Variants in DENND1A observed in about 807,000 individuals in gnomAD.
The protein encoded by DENND1A is DENN domain containing 1A, also known as DENN domain-containing protein 1A.
Under a neutral mutation model 113.7 loss-of-function variants are expected in DENND1A, and 51 were observed. The observed-to-expected ratio is 0.45, with a 90% CI of 0.36 to 0.57. The LOEUF (loss-of-function observed/expected upper bound fraction) is 0.57, where lower values mean the gene tolerates loss of function less well. DENND1A is among the 20% of genes least tolerant of loss of function. The pLI is 0.00. For missense variants in DENND1A, 1,258 were observed against 1,395.9 expected, an observed-to-expected ratio of 0.90 and a Z score of 1.57; for synonymous variants, 565 against 570.8, an observed-to-expected ratio of 0.99 and a Z score of 0.14.
rs1405436215 is a variant in DENND1A at position 123,396,113 on chromosome 9, T to C, written c.1631+7289A>G. On this transcript the variant is annotated intron_variant, in intron 21 of 23. Transcript: ENST00000394215. ...GAGTGGGTGGTTCGTGGGGGAGGTG[T>C]TGGGGTGTCGGAGTGCTGAGATAAG... Among the ~76,000 whole-genome samples, 27 of 151,660 alleles carry C rather than the reference T, an allele frequency of 1.8e-4. 1 individual carries two copies. Among genetic ancestry groups the C allele is most frequent in the Non-Finnish European group, 4.0e-4 (27 of 67,890 alleles).
At chr9:123,897,395 G>A (rs1484723894) in intron 1 of DENND1A, among the ~76,000 whole-genome samples, 1 of 152,190 alleles carries the variant, frequency 6.6e-6, no homozygotes, top group Non-Finnish European at 1.5e-5. Flanking sequence ...GCAGCCTACA[G>A]GTACCTAAAG....
At chr9:123,540,337 C>G (rs1369803213) in intron 13 of DENND1A, among the ~76,000 whole-genome samples, 1 of 152,190 alleles carries the variant, frequency 6.6e-6, no homozygotes, top group Admixed American at 6.5e-5. Flanking sequence ...CCCAAAATTA[C>G]AGAAATAGAA....
chr9:123,928,480 T>C (rs1857476443), intron 1 of DENND1A: 1 of 867,064 alleles, frequency 1.2e-6, no homozygotes, highest in African/African-American at 1.8e-5. Flanking sequence ...AACGACATCT[T>C]TTTACCTCCC....
intron 5 of DENND1A, among the ~76,000 whole-genome samples, chr9:123,739,845 A>G (rs2068850873): frequency 6.6e-6 from 1 of 152,084 alleles, no homozygotes; most frequent in African/African-American, 2.4e-5. Context: ...ATCTGACAAA[A>G]AAGTTCTTCC....
At chr9:123,632,154 T>C (rs2061502977) in intron 9 of DENND1A, among the ~76,000 whole-genome samples, 1 of 152,158 alleles carries the variant, frequency 6.6e-6, no homozygotes, top group African/African-American at 2.4e-5. Flanking sequence ...GTTTCACAGT[T>C]GTGAGAGCTG....
At chr9:123,774,410 T>C (rs1417034207) in intron 3 of DENND1A, among the ~76,000 whole-genome samples, 2 of 152,322 alleles carry the variant, frequency 1.3e-5, no homozygotes, top group Non-Finnish European at 2.9e-5. Context: ...AAAGCAGTTG[T>C]TCCTGGAAGC....
intron 5 of DENND1A, among the ~76,000 whole-genome samples, chr9:123,741,912 T>C (rs1358976384): frequency 6.6e-6 from 1 of 152,250 alleles, no homozygotes; most frequent in Non-Finnish European, 1.5e-5. Flanking sequence ...AGTTATTTTC[T>C]CTTTTCTTTC....
intron 3 of DENND1A, among the ~76,000 whole-genome samples, chr9:123,782,131 A>G (rs1267574984): frequency 6.6e-6 from 1 of 152,180 alleles, no homozygotes; most frequent in East Asian, 1.9e-4. Context: ...ATTTCTTAAG[A>G]CATAAATAAT....
intron 2 of DENND1A, among the ~76,000 whole-genome samples, chr9:123,851,154 T>A (rs1174314834): frequency 6.6e-6 from 1 of 152,236 alleles, no homozygotes; most frequent in East Asian, 1.9e-4. Context: ...AGTTTCTTTG[T>A]GCTCCTCCGT....
intron 19 of DENND1A, among the ~76,000 whole-genome samples, chr9:123,416,634 A>T (rs550807891): frequency 6.6e-6 from 1 of 152,318 alleles, no homozygotes; most frequent in East Asian, 1.9e-4. Context: ...GGAGAGTTCA[A>T]TTCGACAGTT....
intron 18 of DENND1A, among the ~76,000 whole-genome samples, chr9:123,443,523 T>C (rs2047080458): frequency 6.6e-6 from 1 of 152,268 alleles, no homozygotes; most frequent in Non-Finnish European, 1.5e-5. Context: ...GATCCAAAGA[T>C]GCAAAAGGTT....
chr9:123,500,700 A>T (rs577812573), intron 13 of DENND1A, among the ~76,000 whole-genome samples: 1 of 152,268 alleles, frequency 6.6e-6, no homozygotes, highest in African/African-American at 2.4e-5. Context: ...CTGTTCACTC[A>T]TGTTTCTAGC....
chr9:123,402,244 A>G (rs10986007), intron 21 of DENND1A, among the ~76,000 whole-genome samples: 14 of 86,918 alleles, frequency 1.6e-4, no homozygotes, highest in East Asian at 7.6e-4. Flanking sequence ...GCACACGTGC[A>G]CACACACACA....
intron 11 of DENND1A, among the ~76,000 whole-genome samples, chr9:123,602,902 T>A (rs1418666211): frequency 6.6e-6 from 1 of 152,226 alleles, no homozygotes; most frequent in African/African-American, 2.4e-5. Flanking sequence ...CCCAGGCTGT[T>A]TTTTAATAAA....
At chr9:123,860,375 T>C (rs948915044) in intron 2 of DENND1A, among the ~76,000 whole-genome samples, 1 of 152,254 alleles carries the variant, frequency 6.6e-6, no homozygotes, top group African/African-American at 2.4e-5. Flanking sequence ...TGTTTGTTTT[T>C]AATCTGAATG....
At chr9:123,876,880 A>G (rs1847550147) in intron 2 of DENND1A, among the ~76,000 whole-genome samples, 1 of 152,230 alleles carries the variant, frequency 6.6e-6, no homozygotes, top group Admixed American at 6.5e-5. Context: ...TCAGCCATAA[A>G]AAAGAATGAA....
At chr9:123,806,455 C>T (rs1333682345) in intron 2 of DENND1A, among the ~76,000 whole-genome samples, 1 of 152,118 alleles carries the variant, frequency 6.6e-6, no homozygotes, top group Non-Finnish European at 1.5e-5. Context: ...CGGGGTTTCA[C>T]CACATTGGCC....
intron 5 of DENND1A, among the ~76,000 whole-genome samples, chr9:123,710,486 A>T (rs1253250022): frequency 6.6e-6 from 1 of 152,006 alleles, no homozygotes; most frequent in African/African-American, 2.4e-5. Flanking sequence ...CCAAGAAAAG[A>T]TAACTTGAGT....
chr9:123,540,471 T>C (rs2056202292), intron 13 of DENND1A, among the ~76,000 whole-genome samples: 1 of 152,182 alleles, frequency 6.6e-6, no homozygotes, highest in East Asian at 1.9e-4. Context: ...AGAATTAGAC[T>C]GTCTTGGTGA....
Sources: allele counts gnomAD v4.1 joint callset (sites outside exome capture counted in the v4.1 genomes callset), GRCh38; gene constraint gnomAD v4.1.1; transcripts MANE v1.5; gene names NCBI Gene and HGNC (gene_info 2026-07-23, HGNC 2026-07-21).